The following FHIT variants were observed in gnomAD, a reference collection of about 807,000 sequenced individuals.
FHIT encodes bis(5'-adenosyl)-triphosphatase.
A neutral mutation model predicts 17.9 loss-of-function variants in FHIT; 19 were observed. That is an observed-to-expected ratio of 1.06 (90% confidence interval 0.74 to 1.56). The LOEUF (loss-of-function observed/expected upper bound fraction) is 1.56, where lower values mean the gene tolerates loss of function less well. Ranked by LOEUF, FHIT falls within the 40% of genes most tolerant of loss-of-function variation. The pLI is 0.00. For missense variants in FHIT, 248 were observed against 189.2 expected (o/e 1.31, Z -1.82); for synonymous variants, 81 against 69.7 (o/e 1.16, Z -0.81).
intron 5 of FHIT, among the ~76,000 whole-genome samples, chr3:60,530,358 G>T (rs1200847627): frequency 1.3e-5 from 2 of 152,172 alleles, no homozygotes; most frequent in African/African-American, 4.8e-5. Flanking sequence ...CCTTCATTTT[G>T]AAGGGGCCAG....
intron 4 of FHIT, among the ~76,000 whole-genome samples, chr3:60,704,797 A>G (rs1443034843): frequency 6.6e-6 from 1 of 152,186 alleles, no homozygotes; most frequent in African/African-American, 2.4e-5. Flanking sequence ...CCTAAAAAAT[A>G]ATGTTGTTAA....
rs552719134 is a variant in FHIT at position 60,239,962 on chromosome 3, C to T, written c.104-225810G>A. The stretch of plus-strand genomic sequence containing the variant: ...CGCCTCCCTAAGCCTCAGTTTCTCA[C>T]AGGGAAAATAGGAATATTAGCAAAT... On this transcript the variant is annotated intron_variant, in intron 5 of 9. Transcript: ENST00000492590. Among the ~76,000 whole-genome samples, 30 of 152,190 alleles carry T rather than the reference C, an allele frequency of 2.0e-4. No homozygotes were observed. The East Asian group carries it at 4.3e-3, about 22-fold the overall frequency.
At chr3:60,272,996 C>T (rs1326178561) in intron 5 of FHIT, among the ~76,000 whole-genome samples, 2 of 152,172 alleles carry the variant, frequency 1.3e-5, no homozygotes, top group African/African-American at 4.8e-5. Flanking sequence ...AGGTAGCTAA[C>T]CTGCTCACTG....
intron 5 of FHIT, among the ~76,000 whole-genome samples, chr3:60,422,028 G>A (rs34927902): frequency 1.7e-4 from 26 of 152,122 alleles, no homozygotes; most frequent in Admixed American, 1.6e-3. Flanking sequence ...AGAGCTCTTA[G>A]GCAGTGTGAG....
chr3:60,986,136 G>C (rs1282394326), intron 3 of FHIT, among the ~76,000 whole-genome samples: 2 of 152,190 alleles, frequency 1.3e-5, no homozygotes, highest in Non-Finnish European at 2.9e-5. Context: ...TGCCATAAGA[G>C]GTAACTTAGG....
chr3:61,026,351 C>A (rs557542976), intron 3 of FHIT, among the ~76,000 whole-genome samples: 170 of 152,244 alleles, frequency 1.1e-3, no homozygotes, highest in African/African-American at 4.0e-3. Flanking sequence ...CCAATTCTCT[C>A]CGAGCCTTGG....
chr3:59,980,139 T>C (rs1012035375), intron 7 of FHIT, among the ~76,000 whole-genome samples: 1 of 152,214 alleles, frequency 6.6e-6, no homozygotes, highest in Non-Finnish European at 1.5e-5. Context: ...ACATTAAGTT[T>C]GACACTATCT....
At chr3:59,878,823 A>G (rs1205755302) in intron 8 of FHIT, among the ~76,000 whole-genome samples, 3 of 152,190 alleles carry the variant, frequency 2.0e-5, no homozygotes, top group Admixed American at 1.3e-4. Context: ...TAAAATGTAG[A>G]AGGAGGAAAC....
At chr3:60,330,823 A>G (rs113406192) in intron 5 of FHIT, among the ~76,000 whole-genome samples, 7 of 152,186 alleles carry the variant, frequency 4.6e-5, no homozygotes, top group African/African-American at 1.7e-4. Context: ...CCAGGAGCAG[A>G]CTATATATGG....
At chr3:60,824,363 C>A (rs1037336309) in intron 3 of FHIT, among the ~76,000 whole-genome samples, 1 of 152,086 alleles carries the variant, frequency 6.6e-6, no homozygotes, top group Middle Eastern at 3.2e-3. Flanking sequence ...AATTAGAAAC[C>A]GTAACAACTT....
chr3:60,953,765 C>A (rs1393228067), intron 3 of FHIT, among the ~76,000 whole-genome samples: 2 of 152,098 alleles, frequency 1.3e-5, no homozygotes, highest in Non-Finnish European at 1.5e-5. Flanking sequence ...GTCCAAGTAG[C>A]CCCATCCAGA....
chr3:60,867,720 T>C (rs1315055511), intron 3 of FHIT, among the ~76,000 whole-genome samples: 1 of 152,126 alleles, frequency 6.6e-6, no homozygotes, highest in African/African-American at 2.4e-5. Flanking sequence ...TTCTCCAATC[T>C]TTCTCCCCCA....
intron 3 of FHIT, among the ~76,000 whole-genome samples, chr3:60,855,377 C>G (rs999492496): frequency 2.6e-5 from 4 of 152,064 alleles, no homozygotes; most frequent in African/African-American, 9.7e-5. Flanking sequence ...GAGGAGAAAG[C>G]CTTTTCTTCA....
intron 2 of FHIT, among the ~76,000 whole-genome samples, chr3:61,052,607 A>G (rs1284149951): frequency 6.6e-6 from 1 of 152,224 alleles, no homozygotes; most frequent in African/African-American, 2.4e-5. Context: ...AAAAGTCAAA[A>G]GTTGTTATTG....
At chr3:60,438,412 C>T (rs1457326360) in intron 5 of FHIT, among the ~76,000 whole-genome samples, 1 of 151,882 alleles carries the variant, frequency 6.6e-6, no homozygotes, top group Non-Finnish European at 1.5e-5. Context: ...ATGTAAAACT[C>T]CCCAAAACTC....
At chr3:60,456,088 AAAAGCTCCACCAC>A (rs1359496187) in intron 5 of FHIT, among the ~76,000 whole-genome samples, 1 of 152,186 alleles carries the variant, frequency 6.6e-6, no homozygotes, top group Non-Finnish European at 1.5e-5. Context: ...AGTTGGCATA[AAAAGCTCCACCAC>A]ATGCAATTAA....
At chr3:61,015,305 T>A (rs2032048823) in intron 3 of FHIT, among the ~76,000 whole-genome samples, 1 of 152,130 alleles carries the variant, frequency 6.6e-6, no homozygotes, top group African/African-American at 2.4e-5. Flanking sequence ...CCAGCCTCTC[T>A]GTATGTAACT....
At chr3:60,283,184 G>A (rs1310741600) in intron 5 of FHIT, among the ~76,000 whole-genome samples, 6 of 152,050 alleles carry the variant, frequency 3.9e-5, no homozygotes, top group African/African-American at 1.4e-4. Context: ...CCTTTCACTG[G>A]AAATCTGGAA....
chr3:60,755,040 G>A (rs1553717943), intron 4 of FHIT, among the ~76,000 whole-genome samples: 1 of 152,118 alleles, frequency 6.6e-6, no homozygotes, highest in African/African-American at 2.4e-5. Context: ...AAAACCTGGT[G>A]GGATTCAGCA....
Sources: gnomAD v4.1 joint callset for allele counts (sites outside exome capture counted in the v4.1 genomes callset) on GRCh38, gnomAD v4.1.1 for gene constraint, MANE v1.5 for transcripts, NCBI Gene and HGNC (gene_info 2026-07-23, HGNC 2026-07-21) for gene names.